The following TACC2 variants were observed in gnomAD, a reference collection of about 807,000 sequenced individuals.
The protein encoded by TACC2 is transforming acidic coiled-coil containing protein 2, also known as transforming acidic coiled-coil-containing protein 2.
In TACC2, 137 loss-of-function variants were observed where a neutral mutation model predicts 227.3. The observed-to-expected ratio is 0.60, with a 90% confidence interval of 0.52 to 0.69. The LOEUF is 0.69. Ranked by LOEUF, TACC2 falls within the 30% of genes least tolerant of loss-of-function variation. TACC2 has a pLI of 0.00. For synonymous variants in TACC2, 1,523 were observed against 1,487.5 expected (o/e 1.02, Z -0.55); for missense variants, 3,470 against 3,694.4 (o/e 0.94, Z 1.57).
intron 2 of TACC2, among the ~76,000 whole-genome samples, chr10:122,028,679 G>A (rs1024678043): frequency 6.6e-6 from 1 of 151,922 alleles, no homozygotes; most frequent in Non-Finnish European, 1.5e-5. Context: ...AATAGGGGCT[G>A]TTTTATTTAT....
At chr10:122,055,223 A>G (rs1357594317) in intron 3 of TACC2, among the ~76,000 whole-genome samples, 2 of 151,390 alleles carry the variant, frequency 1.3e-5, no homozygotes, top group Non-Finnish European at 3.0e-5. Flanking sequence ...CCGTCTCCCA[A>G]AAAAAAATAA....
At chr10:122,202,925 A>G (rs1184030605) in intron 8 of TACC2, among the ~76,000 whole-genome samples, 1 of 151,220 alleles carries the variant, frequency 6.6e-6, no homozygotes, top group African/African-American at 2.4e-5. Flanking sequence ...CCCTTAATCC[A>G]TTCAACCCTG....
At chr10:122,101,337 G>A (rs1218599041) in intron 5 of TACC2, among the ~76,000 whole-genome samples, 4 of 152,116 alleles carry the variant, frequency 2.6e-5, no homozygotes, top group Non-Finnish European at 4.4e-5. Flanking sequence ...CTATTGGAAG[G>A]AGTCCCCTGC....
At chr10:122,020,593 C>T (rs1440715181) in intron 1 of TACC2, among the ~76,000 whole-genome samples, 1 of 152,096 alleles carries the variant, frequency 6.6e-6, no homozygotes, top group African/African-American at 2.4e-5. Flanking sequence ...TCCGAGGAAA[C>T]GCTATGATGA....
At position 122,085,072 on chromosome 10, in the gene TACC2, A is replaced by T; in HGVS notation, c.2572A>T (p.Thr858Ser). 6.2e-7 allele frequency: 1 copy of T among 1,614,074 alleles called. No individual in the cohort carries two copies. Among genetic ancestry groups the T allele is most frequent in the Non-Finnish European group, 8.5e-7 (1 of 1,180,008 alleles). Residue 858 changes from threonine to serine, a missense_variant, in exon 4 of 23, where the codon ACT becomes TCT. Physicochemically the swap from Thr to Ser is moderately conservative, Grantham distance 58 (BLOSUM62 1). Transcript: ENST00000369005. ...CCAGCCACCTGAAAATGGGAAAGAGACTTCTCCAAGCCATCCAGGTTTTAA... is the reference window on the plus strand; with the variant it reads ...CCAGCCACCTGAAAATGGGAAAGAGTCTTCTCCAAGCCATCCAGGTTTTAA... ...QAQPPENGKE[T>S]SPSHPGFKDQ...
In TACC2 at chr10:122,122,035, A is replaced by G. The variant is rs113699235; in HGVS notation, c.5574-10574A>G. On this transcript the variant is annotated intron_variant, in intron 5 of 22. Coordinates refer to ENST00000369005, the MANE Select transcript of TACC2 (RefSeq NM_206862.4). ...CTTTGCCAAGTCGCTTAATTCCTTG[A>G]GTCTCGATCTCCTCTCCTCTTCTAT... Among the ~76,000 whole-genome samples, 315 of 152,266 alleles carry G rather than the reference A, an allele frequency of 2.1e-3. 1 individual carries two copies. The highest frequency in any genetic ancestry group is 7.0e-3 in the African/African-American group (293 of 41,564).
At chr10:122,015,098 A>C (rs1419395758) in intron 1 of TACC2, among the ~76,000 whole-genome samples, 2 of 79,580 alleles carry the variant, frequency 2.5e-5, no homozygotes, top group African/African-American at 5.3e-5. Flanking sequence ...TTGGCAGTTC[A>C]TCTGCTATAA....
chr10:122,048,813 T>C (rs1443757159), intron 2 of TACC2, among the ~76,000 whole-genome samples: 2 of 152,146 alleles, frequency 1.3e-5, no homozygotes, highest in Admixed American at 6.5e-5. Flanking sequence ...TTAAGCAAGG[T>C]AGAAAGAAAT....
intron 1 of TACC2, among the ~76,000 whole-genome samples, chr10:122,005,029 A>G (rs1954887239): frequency 6.6e-6 from 1 of 152,074 alleles, no homozygotes. Context: ...ATCATCTAGT[A>G]GATTCCTCAA....
intron 2 of TACC2, among the ~76,000 whole-genome samples, chr10:122,040,470 A>G (rs1243601767): frequency 6.6e-6 from 1 of 152,106 alleles, no homozygotes; most frequent in African/African-American, 2.4e-5. Flanking sequence ...TGGGCTTCAC[A>G]GTTGTTCAGT....
In TACC2 at chr10:122,084,940, A is replaced by G. The variant is rs775075745; in HGVS notation, c.2440A>G (p.Ile814Val). ...GIPSCPGEGW[I>V]RGAASEWPLL... ...CCCATCCTGCCCAGGGGAAGGCTGG[A>G]TAAGAGGAGCTGCATCCGAGTGGCC... The change falls in exon 4 of 23, where the codon ATA becomes GTA. Residue 814 changes from isoleucine (I) to valine (V), a missense_variant. Physicochemically the swap from Ile to Val is conservative, Grantham distance 29. Transcript: ENST00000369005. 5 of 1,614,024 alleles carry G rather than the reference A, an allele frequency of 3.1e-6. No homozygotes were observed. In the East Asian group the frequency reaches 8.9e-5, roughly 29 times the overall value.
At position 122,085,751 on chromosome 10, in the gene TACC2, A is replaced by C; in HGVS notation, c.3251A>C (p.Glu1084Ala). 6.2e-7 allele frequency: 1 copy of C among 1,613,870 alleles called. No homozygotes were observed. The highest frequency in any genetic ancestry group is 8.5e-7 in the Non-Finnish European group (1 of 1,179,990). ...GCCCCAGAGACAGAGGCATGTGATG[A>C]AACCCAGGAAGGCAGGCAGCAACCA... ...QDAPETEACD[E>A]TQEGRQQPVP... Residue 1084 changes from glutamate to alanine, a missense_variant, in exon 4 of 23, where the codon GAA (glutamate) becomes GCA (alanine). Around this residue, in one of 10 missense-constraint regions of TACC2, gnomAD observed 1,924 missense variants for 1,978.3 expected, o/e 0.97. Transcript: ENST00000369005.
At chr10:122,096,404 T>C (rs1219514073) in intron 5 of TACC2, among the ~76,000 whole-genome samples, 2 of 152,020 alleles carry the variant, frequency 1.3e-5, no homozygotes, top group African/African-American at 4.8e-5. Context: ...CCTACAAGAG[T>C]GCCCCTTACC....
chr10:122,200,060 C>T (rs529800241), intron 8 of TACC2, among the ~76,000 whole-genome samples: 12 of 152,334 alleles, frequency 7.9e-5, no homozygotes, highest in Non-Finnish European at 1.3e-4. Flanking sequence ...AGCTGAGGGC[C>T]GAGCCTTTTC....
intron 8 of TACC2, among the ~76,000 whole-genome samples, chr10:122,207,974 G>A (rs1040602235): frequency 3.3e-5 from 5 of 152,148 alleles, no homozygotes; most frequent in Non-Finnish European, 5.9e-5. Flanking sequence ...TGTTCCCTCC[G>A]TGTATCCAGG....
At chr10:122,139,932 G>C (rs1385582662) in intron 6 of TACC2, among the ~76,000 whole-genome samples, 1 of 152,196 alleles carries the variant, frequency 6.6e-6, no homozygotes, top group Non-Finnish European at 1.5e-5. Context: ...GCCAATCTCT[G>C]AAATGAAATT....
At chr10:122,043,536 C>T (rs112051454) in intron 2 of TACC2, among the ~76,000 whole-genome samples, 1,494 of 32,024 alleles carry the variant, frequency 0.047, 24 homozygotes, top group South Asian at 0.07. Context: ...CTTTCTTTCT[C>T]TCTCTCTCTG....
intron 3 of TACC2, among the ~76,000 whole-genome samples, chr10:122,075,456 A>T (rs569915753): frequency 6.6e-6 from 1 of 152,298 alleles, no homozygotes; most frequent in East Asian, 1.9e-4. Context: ...CCCATGGGGA[A>T]ACTGGACTCA....
chr10:122,113,518 G>A (rs1256974507), intron 5 of TACC2, among the ~76,000 whole-genome samples: 1 of 152,208 alleles, frequency 6.6e-6, no homozygotes, highest in Non-Finnish European at 1.5e-5. Flanking sequence ...GCGCGCCAGT[G>A]GCTGGGATTC....
Sources: gnomAD v4.1 joint callset for allele counts (sites outside exome capture counted in the v4.1 genomes callset) on GRCh38, gnomAD v4.1.1 for gene constraint, gnomAD v4.1.1 regional missense constraint, MANE v1.5 for transcripts, NCBI Gene and HGNC (gene_info 2026-07-23, HGNC 2026-07-21) for gene names.